The following MARCHF8 variants were observed in gnomAD, a reference collection of about 807,000 sequenced individuals.
MARCHF8 encodes the protein E3 ubiquitin-protein ligase MARCHF8.
Under a neutral mutation model 51.6 loss-of-function variants are expected in MARCHF8, and 40 were observed. The observed-to-expected ratio is 0.77, with a 90% CI of 0.60 to 1.01. MARCHF8 has a LOEUF of 1.01. Ranked by LOEUF, MARCHF8 falls within the 50% of genes least tolerant of loss-of-function variation. The pLI is 0.00. For missense variants in MARCHF8, 685 were observed against 708.6 expected (o/e 0.97, Z 0.38); for synonymous variants, 263 against 280.3 (o/e 0.94, Z 0.62).
chr10:45,502,444 A>G (rs1175572526), intron 2 of MARCHF8, among the ~76,000 whole-genome samples: 1 of 152,244 alleles, frequency 6.6e-6, no homozygotes, highest in Non-Finnish European at 1.5e-5. Context: ...GGAGAAGGAC[A>G]TAAACCTATG....
chr10:45,576,491 A>G (rs1049320364), intron 1 of MARCHF8, among the ~76,000 whole-genome samples: 3 of 152,246 alleles, frequency 2.0e-5, no homozygotes, highest in Non-Finnish European at 2.9e-5. Context: ...GGAAGATGCA[A>G]GAAGTACCAC....
intron 2 of MARCHF8, among the ~76,000 whole-genome samples, chr10:45,530,896 A>G (rs985258208): frequency 5.3e-5 from 8 of 152,240 alleles, no homozygotes; most frequent in African/African-American, 1.7e-4. Flanking sequence ...CTGTCATTAT[A>G]GCTGTTATTT....
chr10:45,518,627 A>G (rs1253864282), intron 2 of MARCHF8, among the ~76,000 whole-genome samples: 1 of 152,196 alleles, frequency 6.6e-6, no homozygotes, highest in African/African-American at 2.4e-5. Flanking sequence ...CCTTTACTGT[A>G]CATGTTTGGT....
intron 2 of MARCHF8, among the ~76,000 whole-genome samples, chr10:45,490,431 T>C (rs1330309720): frequency 6.6e-6 from 1 of 152,074 alleles, no homozygotes; most frequent in Non-Finnish European, 1.5e-5. Flanking sequence ...TAAAAGACAA[T>C]GTGAACACAG....
intron 2 of MARCHF8, among the ~76,000 whole-genome samples, chr10:45,517,467 G>C (rs2043638804): frequency 6.6e-6 from 1 of 152,148 alleles, no homozygotes; most frequent in Non-Finnish European, 1.5e-5. Flanking sequence ...CCTCATGATA[G>C]AGTGATTTCT....
exon 1 of MARCHF8, chr10:45,594,682 C>G (rs1266517518): frequency 6.6e-6 from 1 of 150,550 alleles, no homozygotes; most frequent in South Asian, 2.1e-4. Context: ...CTGCCCGGGC[C>G]GGGGGCTCGG....
chr10:45,473,354 C>T (rs1352927347), intron 3 of MARCHF8, among the ~76,000 whole-genome samples: 1 of 152,232 alleles, frequency 6.6e-6, no homozygotes, highest in Non-Finnish European at 1.5e-5. Context: ...TGCAAGGCCC[C>T]AGCCTTGGGC....
intron 2 of MARCHF8, among the ~76,000 whole-genome samples, chr10:45,514,127 C>T (rs979161770): frequency 2.6e-5 from 4 of 152,178 alleles, no homozygotes; most frequent in African/African-American, 7.2e-5. Context: ...GAATACTTTT[C>T]GCAATTTCAA....
chr10:45,558,598 T>C (rs2044277315), intron 1 of MARCHF8, among the ~76,000 whole-genome samples: 1 of 152,208 alleles, frequency 6.6e-6, no homozygotes, highest in Admixed American at 6.5e-5. Flanking sequence ...ACAGTTGACC[T>C]ATCAACCAAA....
intron 2 of MARCHF8, among the ~76,000 whole-genome samples, chr10:45,512,745 CG>C (rs1268066915): frequency 6.6e-6 from 1 of 152,142 alleles, no homozygotes; most frequent in South Asian, 2.1e-4. Flanking sequence ...TCATTGAGAA[CG>C]GGCCGGGACG....
At chr10:45,579,831 T>G (rs2044532577) in intron 1 of MARCHF8, among the ~76,000 whole-genome samples, 1 of 151,712 alleles carries the variant, frequency 6.6e-6, no homozygotes. Context: ...CTGGCCAACA[T>G]GGTGAAACCC....
chr10:45,516,326 T>C (rs1374167352), intron 2 of MARCHF8, among the ~76,000 whole-genome samples: 10 of 152,210 alleles, frequency 6.6e-5, no homozygotes, highest in African/African-American at 9.6e-5. Context: ...TTGCTAATTA[T>C]TTTTTGTAGA....
intron 3 of MARCHF8, among the ~76,000 whole-genome samples, chr10:45,467,774 A>C (rs184743915): frequency 6.6e-6 from 1 of 152,144 alleles, no homozygotes; most frequent in Admixed American, 6.5e-5. Flanking sequence ...GGGCAGTACT[A>C]GCTCCAGAGA....
chr10:45,564,310 T>C (rs34011467), intron 1 of MARCHF8, among the ~76,000 whole-genome samples: 8,468 of 151,824 alleles, frequency 0.056, 281 homozygotes, highest in Non-Finnish European at 0.066. Flanking sequence ...CAGAACCAAA[T>C]AGAAATTCAA....
chr10:45,487,931 G>T (rs35632234), intron 3 of MARCHF8, among the ~76,000 whole-genome samples: 9,354 of 152,020 alleles, frequency 0.062, 330 homozygotes, highest in Non-Finnish European at 0.066. Context: ...GGTGTGTTTG[G>T]CCATATGCCA....
At chr10:45,510,209 A>C (rs142671328) in intron 2 of MARCHF8, among the ~76,000 whole-genome samples, 1 of 152,222 alleles carries the variant, frequency 6.6e-6, no homozygotes, top group Non-Finnish European at 1.5e-5. Flanking sequence ...CCACACCAGA[A>C]ACTGCACACT....
At chr10:45,542,562 T>C (rs914396389) in intron 1 of MARCHF8, among the ~76,000 whole-genome samples, 31 of 152,154 alleles carry the variant, frequency 2.0e-4, no homozygotes, top group African/African-American at 7.2e-4. Context: ...CAGAGTACTG[T>C]AGCAGACTAC....
chr10:45,469,034 G>C (rs982114106), intron 3 of MARCHF8, among the ~76,000 whole-genome samples: 2 of 152,046 alleles, frequency 1.3e-5, no homozygotes, highest in African/African-American at 4.8e-5. Flanking sequence ...CAAACGGCTG[G>C]AATCACCCTA....
intron 3 of MARCHF8, among the ~76,000 whole-genome samples, chr10:45,469,098 A>G (rs1843070030): frequency 6.6e-6 from 1 of 152,054 alleles, no homozygotes; most frequent in Non-Finnish European, 1.5e-5. Context: ...AGAAAGAAAT[A>G]TCAGCAATCA....
Sources: allele counts gnomAD v4.1 joint callset (sites outside exome capture counted in the v4.1 genomes callset), GRCh38; gene constraint gnomAD v4.1.1; transcripts MANE v1.5; gene names NCBI Gene and HGNC (gene_info 2026-07-23, HGNC 2026-07-21).